Variants in CACNA1C observed in about 807,000 individuals in gnomAD.
The protein encoded by CACNA1C is calcium voltage-gated channel subunit alpha1 C.
CACNA1C carries 30 observed loss-of-function variants against 229.0 expected under a neutral mutation model. The observed-to-expected ratio is 0.13, with a 90% confidence interval of 0.10 to 0.18. CACNA1C has a LOEUF of 0.18. Ranked by LOEUF, CACNA1C falls within the 10% of genes least tolerant of loss-of-function variation. The pLI is 1.00. For synonymous variants in CACNA1C, 1,114 were observed against 1,132.5 expected, an observed-to-expected ratio of 0.98 and a Z score of 0.33; for missense variants, 1,658 against 2,845.0, an observed-to-expected ratio of 0.58 and a Z score of 9.49.
intron 3 of CACNA1C, among the ~76,000 whole-genome samples, chr12:2,188,346 C>A (rs980727863): frequency 8.4e-6 from 1 of 118,652 alleles, no homozygotes; most frequent in African/African-American, 4.5e-5. Flanking sequence ...GCAACATAAA[C>A]TCTTATTCTG....
At position 2,285,843 on chromosome 12, in the gene CACNA1C, A is replaced by G. The variant is rs73605730; in HGVS notation, c.478-163133A>G. ...TATTAGGAATTTACGTTATATGTGC[A>G]AGGAATACCACATGGATGGTAAAGT... On this transcript the variant is annotated intron_variant, in intron 3 of 46. Transcript: ENST00000399655. This position sits in a 1 kb window ranked among gnomAD's most constrained non-coding sequence, Gnocchi z 4.2. 6.5e-3 allele frequency among the ~76,000 whole-genome samples: 983 copies of G among 152,304 alleles called. 14 individuals carry two copies. The highest frequency in any genetic ancestry group is 0.022 in the African/African-American group (909 of 41,546).
intron 1 of CACNA1C, chr12:1,991,195 T>A: frequency 2.2e-6 from 1 of 456,212 alleles, no homozygotes; most frequent in South Asian, 1.5e-5. Flanking sequence ...GAAATCAGAA[T>A]CTGTGGGTTT....
At chr12:2,159,175 C>T (rs2154241685) in intron 3 of CACNA1C, among the ~76,000 whole-genome samples, 1 of 152,100 alleles carries the variant, frequency 6.6e-6, no homozygotes, top group South Asian at 2.1e-4. Flanking sequence ...TTCAATGAAC[C>T]TTTTAGAACA....
chr12:2,361,954 T>C (rs1483232477), intron 3 of CACNA1C, among the ~76,000 whole-genome samples: 1 of 152,198 alleles, frequency 6.6e-6, no homozygotes, highest in Non-Finnish European at 1.5e-5. Flanking sequence ...CCGACTGTGA[T>C]CTTGATCAAC....
intron 9 of CACNA1C, among the ~76,000 whole-genome samples, chr12:2,544,952 C>T (rs2099878292): frequency 6.6e-6 from 1 of 152,194 alleles, no homozygotes; most frequent in Non-Finnish European, 1.5e-5. Flanking sequence ...GCTGAGCATA[C>T]TTCTTAGATG....
chr12:2,658,845 C>CA (rs66736678), intron 34 of CACNA1C, among the ~76,000 whole-genome samples: 107,567 of 149,554 alleles, frequency 0.72, 39,526 homozygotes, highest in Admixed American at 0.81. Flanking sequence ...CAGCTTTTAA[C>CA]AAAAAGCTAA....
At chr12:2,454,413 C>T (rs1447459257) in intron 4 of CACNA1C, among the ~76,000 whole-genome samples, 1 of 152,182 alleles carries the variant, frequency 6.6e-6, no homozygotes, top group Non-Finnish European at 1.5e-5. Flanking sequence ...CTCTCTCACC[C>T]TGACTCCCAC....
chr12:2,112,318 G>A (rs1445673880), intron 1 of CACNA1C, among the ~76,000 whole-genome samples: 3 of 152,040 alleles, frequency 2.0e-5, no homozygotes, highest in East Asian at 1.9e-4. Context: ...TTAAGGTCCC[G>A]GCCTTATTGG....
At chr12:2,376,031 C>T (rs182687935) in intron 3 of CACNA1C, among the ~76,000 whole-genome samples, 1 of 152,330 alleles carries the variant, frequency 6.6e-6, no homozygotes, top group Admixed American at 6.5e-5. Context: ...ACAAGCAGGG[C>T]CCCAGGCAGT....
chr12:2,277,362 G>GACACAC (rs59258094), intron 3 of CACNA1C, among the ~76,000 whole-genome samples: 36 of 72,220 alleles, frequency 5.0e-4, no homozygotes, highest in East Asian at 4.0e-3. Context: ...CAGACAGACA[G>GACACAC]ACACACACAC....
rs891053480 is a variant in CACNA1C, at chr12:2,287,261, G to A, written c.478-161715G>A. 1.3e-5 allele frequency among the ~76,000 whole-genome samples: 2 copies of A among 152,194 alleles called. No individual in the cohort carries two copies. The highest frequency in any genetic ancestry group is 4.8e-5 in the African/African-American group (2 of 41,458). ...TGGGAATGACCTTCCCAAGGGGAGGGATCGGGCAAGTATTGAGTCATTCCT... is the reference window on the plus strand; with the variant it reads ...TGGGAATGACCTTCCCAAGGGGAGGAATCGGGCAAGTATTGAGTCATTCCT... On this transcript the variant is annotated intron_variant, in intron 3 of 46. Transcript: ENST00000399655. The surrounding 1 kb of genome is among the most constrained non-coding windows in gnomAD (Gnocchi z 4.6).
intron 1 of CACNA1C, among the ~76,000 whole-genome samples, chr12:2,041,270 CTTTTTTTTT>C (rs58922699): frequency 0.036 from 3,264 of 91,078 alleles, 166 homozygotes; most frequent in African/African-American, 0.13. Context: ...TAAGGGTATT[CTTTTTTTTT>C]TTTTTTTTTT....
intron 1 of CACNA1C, among the ~76,000 whole-genome samples, chr12:2,044,121 G>T (rs1174626846): frequency 6.6e-6 from 1 of 152,172 alleles, no homozygotes; most frequent in Non-Finnish European, 1.5e-5. Context: ...GACCGAACAT[G>T]ACAAAGGCAG....
intron 3 of CACNA1C, among the ~76,000 whole-genome samples, chr12:2,170,621 T>C (rs183223417): frequency 2.2e-3 from 339 of 152,352 alleles, no homozygotes; most frequent in African/African-American, 7.3e-3. Context: ...GGAGTTGAGG[T>C]GGAAGTCTCC....
At chr12:2,250,172 G>A (rs1600689380) in intron 3 of CACNA1C, among the ~76,000 whole-genome samples, 1 of 152,272 alleles carries the variant, frequency 6.6e-6, no homozygotes, top group Middle Eastern at 3.4e-3. Flanking sequence ...CTGAGGCATG[G>A]ACAGTGCCTC....
At chr12:2,650,455 C>T (rs895143310) in intron 31 of CACNA1C, among the ~76,000 whole-genome samples, 2 of 152,124 alleles carry the variant, frequency 1.3e-5, no homozygotes, top group Non-Finnish European at 2.9e-5. Flanking sequence ...TCCCACCTCG[C>T]GGGAGGTGTG....
At chr12:2,535,341 A>G (rs1023314147) in intron 9 of CACNA1C, among the ~76,000 whole-genome samples, 2 of 151,492 alleles carry the variant, frequency 1.3e-5, no homozygotes, top group African/African-American at 4.9e-5. Context: ...GTGAGCTGAG[A>G]TCGCACCACT....
At position 2,029,567 on chromosome 12, in the gene CACNA1C, T is replaced by G. The variant is rs1441941939; in HGVS notation, c.139+58366T>G. Among the ~76,000 whole-genome samples the G allele has an allele frequency of 6.6e-6, 1 of 152,216 alleles. No homozygotes were observed. Among genetic ancestry groups the G allele is most frequent in the East Asian group, 1.9e-4 (1 of 5,196 alleles). ...GGCTTCTTTCACTTAGCATAATGTT[T>G]TCGAGGTTCATCCACATTGTAGCAT... On this transcript the variant is annotated intron_variant, in intron 1 of 46. Transcript: ENST00000682462. This position sits in a 1 kb window ranked among gnomAD's most constrained non-coding sequence, Gnocchi z 4.9.
chr12:2,671,576 TTTTGTTCCCTAGA>T (rs1326304358), intron 38 of CACNA1C, among the ~76,000 whole-genome samples: 1 of 152,126 alleles, frequency 6.6e-6, no homozygotes, highest in East Asian at 1.9e-4. Context: ...GGATGTGAGA[TTTTGTTCCCTAGA>T]GGAACAAAAG....
Sources: gnomAD v4.1 joint callset for allele counts (sites outside exome capture counted in the v4.1 genomes callset) on GRCh38, gnomAD v4.1.1 for gene constraint, Gnocchi (gnomAD v3.1) non-coding constraint, MANE v1.5 for transcripts, NCBI Gene and HGNC (gene_info 2026-07-23, HGNC 2026-07-21) for gene names.